The following SFMBT1 variants were observed in gnomAD, a reference collection of about 807,000 sequenced individuals.
SFMBT1 encodes Scm like with four mbt domains 1.
A neutral mutation model predicts 108.7 loss-of-function variants in SFMBT1; 32 were observed. That is an observed-to-expected ratio of 0.29 (90% CI 0.22 to 0.40). The LOEUF (loss-of-function observed/expected upper bound fraction) is 0.40, where lower values mean the gene tolerates loss of function less well. Among genes scored for constraint, SFMBT1 ranks in the 10% least tolerant of loss-of-function variants. The pLI is 1.00. For missense variants in SFMBT1, 816 were observed against 1,059.6 expected (o/e 0.77, Z 3.19); for synonymous variants, 348 against 369.5 (o/e 0.94, Z 0.67).
At chr3:52,966,624 CAA>C (rs35044878) in intron 2 of SFMBT1, among the ~76,000 whole-genome samples, 5,886 of 46,944 alleles carry the variant, frequency 0.13, 16 homozygotes, top group Non-Finnish European at 0.14. Flanking sequence ...GACTCAGTCT[CAA>C]AAAAAAAAAA....
intron 1 of SFMBT1, among the ~76,000 whole-genome samples, chr3:53,013,838 A>G (rs1336639911): frequency 6.6e-6 from 1 of 151,968 alleles, no homozygotes; most frequent in Non-Finnish European, 1.5e-5. Flanking sequence ...CATGTTGGTC[A>G]GGCTGGTCTC....
intron 1 of SFMBT1, among the ~76,000 whole-genome samples, chr3:53,006,628 C>CAAAAAAAAA (rs145854514): frequency 3.2e-5 from 4 of 126,338 alleles, no homozygotes; most frequent in African/African-American, 1.3e-4. Flanking sequence ...AACTCCGTCT[C>CAAAAAAAAA]AAAAAAAAAA....
At chr3:52,956,372 A>G (rs1411340248) in intron 2 of SFMBT1, among the ~76,000 whole-genome samples, 2 of 152,182 alleles carry the variant, frequency 1.3e-5, no homozygotes, top group Non-Finnish European at 2.9e-5. Flanking sequence ...AGGCAGGAGA[A>G]TTGCTTGAAC....
chr3:52,938,878 T>C (rs1331535967), intron 4 of SFMBT1, among the ~76,000 whole-genome samples: 3 of 152,238 alleles, frequency 2.0e-5, no homozygotes, highest in African/African-American at 4.8e-5. Context: ...CTGAAGCTCA[T>C]TCCCTAGTGG....
At chr3:52,947,360 G>A (rs185860704) in intron 3 of SFMBT1, among the ~76,000 whole-genome samples, 341 of 148,304 alleles carry the variant, frequency 2.3e-3, no homozygotes, top group African/African-American at 7.9e-3. Context: ...CTTGTGATCC[G>A]CCCGCCTCGG....
chr3:52,998,137 C>T (rs574856373), intron 1 of SFMBT1, among the ~76,000 whole-genome samples: 1 of 150,074 alleles, frequency 6.7e-6, no homozygotes, highest in Non-Finnish European at 1.5e-5. Flanking sequence ...TAGATCAGGT[C>T]GGGCACGGTG....
At chr3:53,016,085 G>A (rs1699115695) in intron 1 of SFMBT1, among the ~76,000 whole-genome samples, 1 of 151,114 alleles carries the variant, frequency 6.6e-6, no homozygotes, top group African/African-American at 2.4e-5. Context: ...CCTACTTTTA[G>A]CAGTAAAAGA....
At position 52,905,003 on chromosome 3, in the gene SFMBT1, G is replaced by C; in HGVS notation, c.*133C>G. The C allele has an allele frequency of 8.0e-7, 1 of 1,247,438 alleles. No homozygotes were observed. Among genetic ancestry groups the C allele is most frequent in the Non-Finnish European group, 1.1e-6 (1 of 923,186 alleles). The allele number at this position is 1,247,438 out of a possible 1,614,324, so 77.3% of individuals were successfully genotyped here. On this transcript the variant is annotated 3_prime_UTR_variant, in exon 21 of 21. Transcript: ENST00000394752. Reference sequence around the variant, plus strand: ...TCCTCACTGTGAGTCCTCCTTCCCCGAAAGTGCAAAGAGAGCAAGCTGATA... The same window carrying C: ...TCCTCACTGTGAGTCCTCCTTCCCCCAAAGTGCAAAGAGAGCAAGCTGATA...
At chr3:52,984,726 C>CTGTGTG (rs57308874) in intron 1 of SFMBT1, among the ~76,000 whole-genome samples, 13,466 of 140,050 alleles carry the variant, frequency 0.096, 707 homozygotes, top group Admixed American at 0.13. Context: ...ATACTAAATA[C>CTGTGTG]TGTGTGTGTG....
intron 1 of SFMBT1, among the ~76,000 whole-genome samples, chr3:53,006,754 A>AT (rs1698758288): frequency 6.6e-6 from 1 of 152,228 alleles, no homozygotes; most frequent in Non-Finnish European, 1.5e-5. Flanking sequence ...ATCCCCTGCA[A>AT]ACACCAAGGG....
At chr3:52,964,137 C>A (rs939574238) in intron 2 of SFMBT1, among the ~76,000 whole-genome samples, 1 of 152,142 alleles carries the variant, frequency 6.6e-6, no homozygotes, top group African/African-American at 2.4e-5. Flanking sequence ...GCCACTGTGC[C>A]CAGCTAAAAC....
chr3:53,008,473 T>C (rs545577511), intron 1 of SFMBT1, among the ~76,000 whole-genome samples: 21 of 152,324 alleles, frequency 1.4e-4, no homozygotes, highest in African/African-American at 4.3e-4. Context: ...AACAAGAATG[T>C]TCTCTTTGTA....
At chr3:52,987,997 T>C (rs1249679451) in intron 1 of SFMBT1, among the ~76,000 whole-genome samples, 4 of 152,192 alleles carry the variant, frequency 2.6e-5, no homozygotes, top group African/African-American at 9.7e-5. Context: ...TAAACAGCCA[T>C]CATCAAAAAT....
chr3:52,964,316 G>C (rs936804868), intron 2 of SFMBT1, among the ~76,000 whole-genome samples: 15 of 152,120 alleles, frequency 9.9e-5, no homozygotes, highest in Non-Finnish European at 8.8e-5. Flanking sequence ...TTTGAAACCA[G>C]CCTGGGCAAC....
chr3:53,041,611 T>A (rs903187446), intron 1 of SFMBT1, among the ~76,000 whole-genome samples: 15 of 141,964 alleles, frequency 1.1e-4, no homozygotes, highest in Non-Finnish European at 1.8e-4. Flanking sequence ...GGCAGGAGAA[T>A]TGCTTGAACC....
At chr3:52,967,556 G>A (rs1478632631) in intron 2 of SFMBT1, among the ~76,000 whole-genome samples, 3 of 152,086 alleles carry the variant, frequency 2.0e-5, no homozygotes, top group Non-Finnish European at 4.4e-5. Context: ...TATGGTATGT[G>A]TATTGCATCT....
intron 2 of SFMBT1, among the ~76,000 whole-genome samples, chr3:52,965,259 A>C (rs941645707): frequency 3.3e-5 from 5 of 152,026 alleles, no homozygotes; most frequent in African/African-American, 4.8e-5. Context: ...GCAGACAAGA[A>C]AGAATGAGTA....
intron 8 of SFMBT1, chr3:52,928,583 CATATATACATATATATACATATATACAT>C (rs1485967623): frequency 1.3e-4 from 15 of 116,998 alleles, no homozygotes; most frequent in African/African-American, 4.8e-4. Flanking sequence ...CATATATATA[CATATATACATATATATACATATATACAT>C]ATATATACAT....
intron 1 of SFMBT1, among the ~76,000 whole-genome samples, chr3:52,989,757 G>T (rs1045712247): frequency 7.3e-5 from 11 of 151,190 alleles, no homozygotes; most frequent in African/African-American, 2.7e-4. Context: ...TCACGCCACT[G>T]CACTCCAGCC....
Sources: gnomAD v4.1 joint callset for allele counts (sites outside exome capture counted in the v4.1 genomes callset) on GRCh38, gnomAD v4.1.1 for gene constraint, MANE v1.5 for transcripts, NCBI Gene and HGNC (gene_info 2026-07-23, HGNC 2026-07-21) for gene names.